Variants in CCDC149 observed in about 807,000 individuals in gnomAD.
CCDC149 encodes the protein coiled-coil domain-containing protein 149.
CCDC149 carries 45 observed loss-of-function variants against 59.9 expected under a neutral mutation model. That is an observed-to-expected ratio of 0.75 (90% CI 0.59 to 0.96). The LOEUF is 0.96. Among genes scored for constraint, CCDC149 ranks in the 40% least tolerant of loss-of-function variants. CCDC149 has a pLI of 0.00. For missense variants in CCDC149, 584 were observed against 664.7 expected (o/e 0.88, Z 1.33); for synonymous variants, 245 against 260.6 (o/e 0.94, Z 0.58).
intron 7 of CCDC149, among the ~76,000 whole-genome samples, chr4:24,835,375 G>A (rs1716450456): frequency 6.6e-6 from 1 of 152,204 alleles, no homozygotes; most frequent in Non-Finnish European, 1.5e-5. Flanking sequence ...CTTCTGAATA[G>A]ACATGAGATG....
chr4:24,889,635 T>C (rs796311786), intron 1 of CCDC149, among the ~76,000 whole-genome samples: 17 of 152,300 alleles, frequency 1.1e-4, no homozygotes, highest in African/African-American at 3.8e-4. Context: ...CATTATGACA[T>C]ATAACTGTCA....
At chr4:24,967,010 A>T (rs936726266) in intron 1 of CCDC149, among the ~76,000 whole-genome samples, 2 of 152,168 alleles carry the variant, frequency 1.3e-5, no homozygotes, top group African/African-American at 4.8e-5. Flanking sequence ...ACCTGCTTTC[A>T]TTGACAGTTA....
intron 1 of CCDC149, among the ~76,000 whole-genome samples, chr4:24,891,554 G>A (rs1427880195): frequency 6.6e-6 from 1 of 152,192 alleles, no homozygotes; most frequent in Non-Finnish European, 1.5e-5. Flanking sequence ...TTTATCAGGA[G>A]AACATTTAAA....
At chr4:24,978,126 G>A (rs1265692056) in intron 1 of CCDC149, among the ~76,000 whole-genome samples, 4 of 152,114 alleles carry the variant, frequency 2.6e-5, no homozygotes, top group Non-Finnish European at 2.9e-5. Context: ...GCAAGACCCT[G>A]TCTCAAAAAT....
At chr4:24,868,776 C>T (rs1160288862) in intron 3 of CCDC149, among the ~76,000 whole-genome samples, 2 of 152,142 alleles carry the variant, frequency 1.3e-5, no homozygotes, top group Non-Finnish European at 2.9e-5. Flanking sequence ...CAGATACTTA[C>T]GGACACACCC....
chr4:24,815,058 C>T (rs1714923726), intron 12 of CCDC149, among the ~76,000 whole-genome samples: 1 of 152,144 alleles, frequency 6.6e-6, no homozygotes, highest in African/African-American at 2.4e-5. Context: ...ATTTTTTAAC[C>T]TTGTTCCATA....
At chr4:24,826,350 A>T (rs1297379828) in intron 9 of CCDC149, among the ~76,000 whole-genome samples, 1 of 152,116 alleles carries the variant, frequency 6.6e-6, no homozygotes, top group African/African-American at 2.4e-5. Flanking sequence ...AAGGAGTGTG[A>T]GTAGAAGCAG....
At chr4:24,909,188 G>A (rs767663408) in intron 1 of CCDC149, among the ~76,000 whole-genome samples, 4 of 152,194 alleles carry the variant, frequency 2.6e-5, no homozygotes, top group Admixed American at 6.5e-5. Flanking sequence ...GGCAAGTGGA[G>A]GAAGCAACTG....
chr4:24,948,686 T>C (rs1042004550), intron 1 of CCDC149, among the ~76,000 whole-genome samples: 1 of 152,168 alleles, frequency 6.6e-6, no homozygotes, highest in South Asian at 2.1e-4. Flanking sequence ...CATATCTCTC[T>C]TTTCCTCTCT....
intron 9 of CCDC149, among the ~76,000 whole-genome samples, chr4:24,826,458 G>A (rs1441536173): frequency 6.6e-6 from 1 of 152,168 alleles, no homozygotes; most frequent in Non-Finnish European, 1.5e-5. Context: ...GCAATGAGGA[G>A]GGAGATGAGC....
At chr4:24,836,362 G>C in intron 7 of CCDC149, 74 bp downstream of exon 7, 2 of 1,029,008 alleles carry the variant, frequency 1.9e-6, no homozygotes, top group Non-Finnish European at 3.1e-6. Flanking sequence ...TTGGCACATA[G>C]AAGGGAATTA....
intron 1 of CCDC149, among the ~76,000 whole-genome samples, chr4:24,892,413 T>TTCA (rs10623768): frequency 0.18 from 27,841 of 152,068 alleles, 2,682 homozygotes; most frequent in South Asian, 0.28. Context: ...ACAGCTTATA[T>TTCA]TCATCATCAT....
intron 1 of CCDC149, among the ~76,000 whole-genome samples, chr4:24,968,718 A>C (rs1219163585): frequency 2.6e-5 from 4 of 152,238 alleles, no homozygotes; most frequent in Non-Finnish European, 4.4e-5. Context: ...GTGTGGACAG[A>C]ATAGCCTATT....
In CCDC149 at chr4:24,903,709, G is replaced by A. The variant is rs139780460; in HGVS notation, c.63+9108C>T. Among the ~76,000 whole-genome samples the A allele has an allele frequency of 2.0e-3, 304 of 151,934 alleles. 2 individuals carry two copies. The highest frequency in any genetic ancestry group is 6.9e-3 in the African/African-American group (287 of 41,436). On this transcript the variant is annotated intron_variant, in intron 1 of 12. Transcript: ENST00000635206. Reference sequence around the variant, plus strand: ...ATAGAATACATCCATAAATCCAAAAGATTCCCTCATGTTTCTCTGCAGCCA... The same window carrying A: ...ATAGAATACATCCATAAATCCAAAAAATTCCCTCATGTTTCTCTGCAGCCA...
intron 1 of CCDC149, among the ~76,000 whole-genome samples, chr4:24,937,982 T>G (rs1462713446): frequency 6.6e-6 from 1 of 152,162 alleles, no homozygotes; most frequent in Non-Finnish European, 1.5e-5. Context: ...AGGGGGCTAT[T>G]TGATATTTCT....
intron 1 of CCDC149, among the ~76,000 whole-genome samples, chr4:24,897,497 G>A (rs1462151378): frequency 6.6e-6 from 1 of 152,146 alleles, no homozygotes; most frequent in Non-Finnish European, 1.5e-5. Flanking sequence ...AGTAATTAAT[G>A]AAATGGAAAG....
At chr4:24,894,238 GTGGC>G (rs1292584948) in intron 1 of CCDC149, among the ~76,000 whole-genome samples, 2 of 152,274 alleles carry the variant, frequency 1.3e-5, no homozygotes, top group Non-Finnish European at 2.9e-5. Context: ...TCTTCATGTG[GTGGC>G]TGGCACACTG....
intron 3 of CCDC149, among the ~76,000 whole-genome samples, chr4:24,857,941 C>T (rs1718127476): frequency 6.6e-6 from 1 of 152,164 alleles, no homozygotes; most frequent in Non-Finnish European, 1.5e-5. Flanking sequence ...CCTCCACCTC[C>T]TCAACTCCAA....
intron 4 of CCDC149, among the ~76,000 whole-genome samples, chr4:24,842,064 A>G (rs1716970264): frequency 6.6e-6 from 1 of 152,198 alleles, no homozygotes; most frequent in African/African-American, 2.4e-5. Context: ...CAAAGCATAC[A>G]TACACCATGC....
Sources: gnomAD v4.1 joint callset for allele counts (sites outside exome capture counted in the v4.1 genomes callset) on GRCh38, gnomAD v4.1.1 for gene constraint, MANE v1.5 for transcripts, NCBI Gene and HGNC (gene_info 2026-07-23, HGNC 2026-07-21) for gene names.